Variants in TTC23 observed in about 807,000 individuals in gnomAD.
The protein encoded by TTC23 is tetratricopeptide repeat domain 23.
In TTC23, 58 loss-of-function variants were observed where a neutral mutation model predicts 55.1. That is an observed-to-expected ratio of 1.05 (90% CI 0.85 to 1.31). The LOEUF is 1.31. Ranked by LOEUF, TTC23 falls within the 50% of genes most tolerant of loss-of-function variation. TTC23 has a pLI of 0.00. For missense variants in TTC23, 516 were observed against 534.4 expected (o/e 0.97, Z 0.34); for synonymous variants, 203 against 199.9 (o/e 1.02, Z -0.13).
In TTC23 at chr15:99,156,280, C is replaced by G. The variant is rs2151881381; in HGVS notation, c.1011G>C (p.Leu337=). ...TGQKERATSI[L]RESLEAKVEA... Reference sequence around the variant, plus strand: ...CCACTTTGGCTTCCAGGGACTCTCTCAGGATCGAGGTTGCTCTCTGTGAAA... The same window carrying G: ...CCACTTTGGCTTCCAGGGACTCTCTGAGGATCGAGGTTGCTCTCTGTGAAA... Residue 337 remains leucine (L), a synonymous_variant, in exon 12 of 14, where the codon CTG becomes CTC. Transcript: ENST00000394132. The G allele has an allele frequency of 1.2e-6, 2 of 1,614,198 alleles. No homozygotes were observed. Among genetic ancestry groups the G allele is most frequent in the East Asian group, 4.5e-5 (2 of 44,880 alleles).
chr15:99,229,603 G>GA (rs1458630758), intron 4 of TTC23, among the ~76,000 whole-genome samples: 9 of 152,200 alleles, frequency 5.9e-5, no homozygotes, highest in Non-Finnish European at 1.5e-5. Flanking sequence ...GAAGGCTCCA[G>GA]AGACAGAGGA....
intron 9 of TTC23, among the ~76,000 whole-genome samples, chr15:99,176,540 G>A (rs1382513641): frequency 6.6e-6 from 1 of 152,142 alleles, no homozygotes; most frequent in East Asian, 1.9e-4. Context: ...TTGAGCCCGG[G>A]AGGTTGAGGC....
At chr15:99,199,192 C>T (rs1805286344) in intron 9 of TTC23, among the ~76,000 whole-genome samples, 1 of 152,082 alleles carries the variant, frequency 6.6e-6, no homozygotes, top group Admixed American at 6.5e-5. Context: ...AGAAACTCTG[C>T]TTCAAGACTG....
At chr15:99,194,081 C>T (rs1011519996) in intron 9 of TTC23, among the ~76,000 whole-genome samples, 2 of 151,714 alleles carry the variant, frequency 1.3e-5, no homozygotes, top group Non-Finnish European at 2.9e-5. Context: ...ATAGCTGAGA[C>T]GTTGAGGATA....
At chr15:99,173,569 G>A (rs916097194) in intron 10 of TTC23, among the ~76,000 whole-genome samples, 1 of 152,128 alleles carries the variant, frequency 6.6e-6, no homozygotes, top group African/African-American at 2.4e-5. Flanking sequence ...CTGGGTGACA[G>A]AGTGAGACCC....
At chr15:99,167,401 A>T (rs776478175) in intron 10 of TTC23, among the ~76,000 whole-genome samples, 1 of 152,238 alleles carries the variant, frequency 6.6e-6, no homozygotes, top group Non-Finnish European at 1.5e-5. Context: ...CAGGAGCATG[A>T]CTTAGCTTGT....
intron 9 of TTC23, among the ~76,000 whole-genome samples, chr15:99,194,902 T>C (rs2075571969): frequency 6.6e-6 from 1 of 152,158 alleles, no homozygotes; most frequent in Admixed American, 6.6e-5. Flanking sequence ...CATTGCACTC[T>C]GGCCTGGGCA....
chr15:99,139,771 T>C lies in TTC23; in HGVS notation c.1144-372A>G. ...TGGAAAAGATTTAAAAAAATAGTTTTGTTTTTTTTGTAAACACATACTCTA... is the reference window on the plus strand; with the variant it reads ...TGGAAAAGATTTAAAAAAATAGTTTCGTTTTTTTTGTAAACACATACTCTA... On this transcript the variant is annotated intron_variant, in intron 12 of 13. Coordinates refer to ENST00000394132, the MANE Select transcript of TTC23 (RefSeq NM_001288615.3). The C allele has an allele frequency of 2.3e-6, 3 of 1,298,704 alleles. No individual in the cohort carries two copies. The South Asian group carries it at 3.8e-5, about 16-fold the overall frequency. 80.4% of individuals were successfully genotyped at this position (1,298,704 alleles called of 1,614,324 possible).
chr15:99,204,655 T>TTTTTTTTTTTTTTTTG (rs2076471281), intron 8 of TTC23, among the ~76,000 whole-genome samples: 2 of 145,634 alleles, frequency 1.4e-5, no homozygotes, highest in Non-Finnish European at 1.5e-5. Context: ...TTTTTTTTTT[T>TTTTTTTTTTTTTTTTG]AGACAGGTCT....
intron 12 of TTC23, 150 bp downstream of exon 12, chr15:99,155,998 C>G: frequency 1.0e-6 from 1 of 979,122 alleles, no homozygotes; most frequent in Non-Finnish European, 1.5e-6. Flanking sequence ...CAAAAAGTAT[C>G]AGGTTAGATC....
At position 99,214,457 on chromosome 15, in the gene TTC23, G is replaced by A. The variant is rs564142423; in HGVS notation, c.581+4131C>T. Among the ~76,000 whole-genome samples the A allele has an allele frequency of 4.3e-5, 6 of 138,136 alleles. No individual in the cohort carries two copies. The South Asian group carries it at 6.8e-4, about 16-fold the overall frequency. The allele number at this position is 138,136 out of a possible 152,430, so 90.6% of individuals were successfully genotyped here. A position where few individuals can be genotyped will look rare whatever the true frequency, so the allele number is the denominator to read the frequency against. On this transcript the variant is annotated intron_variant, in intron 8 of 13. Coordinates refer to ENST00000394132, the MANE Select transcript of TTC23 (RefSeq NM_001288615.3). ...GGGAAGGTAGAACTTGCAGTGAGCC[G>A]AGATCGCGCCATTGCACTCCAGCCT...
At chr15:99,225,854 C>T (rs1207702402) in intron 5 of TTC23, among the ~76,000 whole-genome samples, 1 of 152,138 alleles carries the variant, frequency 6.6e-6, no homozygotes, top group East Asian at 1.9e-4. Flanking sequence ...AAGAAACCTG[C>T]CAGACAGCAC....
intron 12 of TTC23, chr15:99,145,082 C>G (rs527501778): frequency 6.6e-6 from 1 of 152,202 alleles, no homozygotes; most frequent in African/African-American, 2.4e-5. Flanking sequence ...TAAACCAAAA[C>G]GTAATTCATC....
chr15:99,224,806 TAGTTTGTC>T lies in TTC23; in HGVS notation c.181-2950_181-2943del, dbSNP rs1427096615. On this transcript the variant is annotated intron_variant, in intron 5 of 13. Transcript: ENST00000394132. ...AATTGTGGAGTTTTTGTTTGGTTTT[TAGTTTGTC>T]AGTTTGTCAGTTAGCCCATTTCTCC... Among the ~76,000 whole-genome samples, 11 of 152,334 alleles carry T rather than the reference TAGTTTGTC, an allele frequency of 7.2e-5. No individual in the cohort carries two copies. In the East Asian group the frequency reaches 2.1e-3, roughly 29 times the overall value.
At chr15:99,209,487 A>G (rs796786892) in intron 8 of TTC23, among the ~76,000 whole-genome samples, 37 of 152,268 alleles carry the variant, frequency 2.4e-4, no homozygotes, top group African/African-American at 8.9e-4. Flanking sequence ...AGGAGCTTGG[A>G]CACTAGCGTT....
At chr15:99,187,598 G>A (rs1567430383) in intron 9 of TTC23, among the ~76,000 whole-genome samples, 1 of 151,812 alleles carries the variant, frequency 6.6e-6, no homozygotes, top group East Asian at 1.9e-4. Context: ...TAAGGCTCTA[G>A]TATCCAGTAT....
At chr15:99,236,752 T>C (rs997270555) in intron 3 of TTC23, among the ~76,000 whole-genome samples, 6 of 152,232 alleles carry the variant, frequency 3.9e-5, no homozygotes, top group Admixed American at 1.3e-4. Context: ...TTTCTTTATA[T>C]ATGCTAGACC....
chr15:99,187,607 A>C (rs2074846929), intron 9 of TTC23, among the ~76,000 whole-genome samples: 1 of 151,990 alleles, frequency 6.6e-6, no homozygotes, highest in Non-Finnish European at 1.5e-5. Context: ...AGTATCCAGT[A>C]TCCAGAATAT....
At chr15:99,151,623 T>C (rs1703765) in intron 12 of TTC23, among the ~76,000 whole-genome samples, 116,815 of 152,034 alleles carry the variant, frequency 0.77, 45,040 homozygotes, top group Middle Eastern at 0.83. Context: ...AGACAATAGA[T>C]GCCCCTTTAT....
Sources: gnomAD v4.1 joint callset for allele counts (sites outside exome capture counted in the v4.1 genomes callset) on GRCh38, gnomAD v4.1.1 for gene constraint, MANE v1.5 for transcripts, NCBI Gene and HGNC (gene_info 2026-07-23, HGNC 2026-07-21) for gene names.